The following CSNK1G1 variants were observed in gnomAD, a reference collection of about 807,000 sequenced individuals.
CSNK1G1 encodes the protein casein kinase 1 gamma 1.
Under a neutral mutation model 59.6 loss-of-function variants are expected in CSNK1G1, and 22 were observed. The ratio of observed to expected loss-of-function variants is 0.37; its 90% CI spans 0.26 to 0.53. The LOEUF (loss-of-function observed/expected upper bound fraction) is 0.53. CSNK1G1 is among the 20% of genes least tolerant of loss of function. The pLI is 0.89. For synonymous variants in CSNK1G1, 179 were observed against 177.1 expected, an observed-to-expected ratio of 1.01 and a Z score of -0.08; for missense variants, 384 against 519.5, an observed-to-expected ratio of 0.74 and a Z score of 2.54.
At chr15:64,299,355 G>A (rs1234291069) in intron 2 of CSNK1G1, among the ~76,000 whole-genome samples, 3 of 152,100 alleles carry the variant, frequency 2.0e-5, no homozygotes, top group Non-Finnish European at 4.4e-5. Context: ...TTGGGAGGCC[G>A]AGGCGGGCGG....
chr15:64,204,754 C>A (rs2082155080), intron 8 of CSNK1G1, 111 bp downstream of exon 8: 1 of 1,131,148 alleles, frequency 8.8e-7, no homozygotes, highest in African/African-American at 1.6e-5. Context: ...GTCTGTATCA[C>A]AAAAGGAAAT....
rs1476193301 is a variant in CSNK1G1 at position 64,341,287 on chromosome 15, G to A, written c.-225+14701C>T. 1.2e-3 allele frequency among the ~76,000 whole-genome samples: 3 copies of A among 2,596 alleles called. 1 individual carries two copies. Among genetic ancestry groups the A allele is most frequent in the African/African-American group, 1.5e-3 (3 of 2,030 alleles). The allele number at this position is 2,596 out of a possible 152,430, so 1.7% of individuals were successfully genotyped here. ...CCCAAAGTGCTGGGATTACAGGCGTGAGCCACCGCGCCCGGCCAATTTTTA... is the reference window on the plus strand; with the variant it reads ...CCCAAAGTGCTGGGATTACAGGCGTAAGCCACCGCGCCCGGCCAATTTTTA... On this transcript the variant is annotated intron_variant, in intron 1 of 11. Coordinates refer to ENST00000303052, the MANE Select transcript of CSNK1G1 (RefSeq NM_022048.5).
intron 4 of CSNK1G1, among the ~76,000 whole-genome samples, chr15:64,218,935 A>G (rs2140272592): frequency 6.8e-6 from 1 of 146,788 alleles, no homozygotes; most frequent in East Asian, 2.0e-4. Flanking sequence ...ACTCACTGCA[A>G]CCTCCGCCTC....
chr15:64,221,555 T>A (rs570485161), intron 4 of CSNK1G1, among the ~76,000 whole-genome samples: 2 of 151,816 alleles, frequency 1.3e-5, no homozygotes, highest in East Asian at 3.9e-4. Context: ...GACCACTGAG[T>A]GGTTTTGAAG....
chr15:64,228,369 C>T (rs1243766209), intron 4 of CSNK1G1, among the ~76,000 whole-genome samples: 1 of 152,236 alleles, frequency 6.6e-6, no homozygotes, highest in Non-Finnish European at 1.5e-5. Flanking sequence ...TATTCACACC[C>T]GGGCACGGTG....
At chr15:64,335,616 AT>A (rs951925391) in intron 1 of CSNK1G1, among the ~76,000 whole-genome samples, 2 of 152,182 alleles carry the variant, frequency 1.3e-5, no homozygotes, top group African/African-American at 4.8e-5. Flanking sequence ...GTGATTGATG[AT>A]TTGAATTTTA....
chr15:64,241,604 T>A (rs2082694533), intron 4 of CSNK1G1, among the ~76,000 whole-genome samples: 1 of 152,162 alleles, frequency 6.6e-6, no homozygotes, highest in African/African-American at 2.4e-5. Flanking sequence ...ATAACAAATA[T>A]CTTTTCTGAC....
At chr15:64,187,076 C>T (rs1267905938) in intron 10 of CSNK1G1, among the ~76,000 whole-genome samples, 1 of 152,134 alleles carries the variant, frequency 6.6e-6, no homozygotes, top group East Asian at 1.9e-4. Context: ...CCACCTTGGG[C>T]TCCCAAAGTG....
chr15:64,238,408 T>C lies in CSNK1G1; in HGVS notation c.292+13104A>G, dbSNP rs188506803. Among the ~76,000 whole-genome samples the C allele has an allele frequency of 4.9e-4, 72 of 146,698 alleles. No homozygotes were observed. In the East Asian group the frequency reaches 0.014, roughly 28 times the overall value. ...CTTGGGAGGCTGAAGTGAGAGGATC[T>C]CTTGAGCCCAGGAGTTTGAGGCTGC... On this transcript the variant is annotated intron_variant, in intron 4 of 11. Transcript: ENST00000303052.
chr15:64,291,428 A>G (rs1330325461), intron 2 of CSNK1G1, among the ~76,000 whole-genome samples: 1 of 152,114 alleles, frequency 6.6e-6, no homozygotes, highest in Non-Finnish European at 1.5e-5. Context: ...CTTTACTAAA[A>G]ATACAAAAAA....
chr15:64,239,704 T>C (rs940245077), intron 4 of CSNK1G1, among the ~76,000 whole-genome samples: 6 of 152,052 alleles, frequency 3.9e-5, no homozygotes, highest in African/African-American at 1.2e-4. Context: ...TAAGGAAACT[T>C]AATGAGATAC....
intron 10 of CSNK1G1, among the ~76,000 whole-genome samples, chr15:64,193,221 G>A (rs547703036): frequency 6.6e-6 from 1 of 152,186 alleles, no homozygotes; most frequent in South Asian, 2.1e-4. Context: ...GCCAGCTGTG[G>A]TGGCTCACGC....
At chr15:64,336,849 C>A (rs1186070273) in intron 1 of CSNK1G1, among the ~76,000 whole-genome samples, 3 of 152,130 alleles carry the variant, frequency 2.0e-5, no homozygotes, top group Non-Finnish European at 2.9e-5. Flanking sequence ...TTCACATAAA[C>A]ATATTTTATA....
chr15:64,238,438 A>G (rs2082644656), intron 4 of CSNK1G1, among the ~76,000 whole-genome samples: 1 of 144,932 alleles, frequency 6.9e-6, no homozygotes, highest in East Asian at 2.0e-4. Flanking sequence ...GGCTGCAGTA[A>G]GCTATGATCA....
chr15:64,304,104 G>C (rs1308711044), intron 1 of CSNK1G1, among the ~76,000 whole-genome samples: 1 of 151,874 alleles, frequency 6.6e-6, no homozygotes, highest in Non-Finnish European at 1.5e-5. Context: ...TATGAAAGAT[G>C]AGGCCAGGAG....
chr15:64,207,471 T>C (rs1188156841), intron 7 of CSNK1G1, 38 bp downstream of exon 7: 4 of 1,461,766 alleles, frequency 2.7e-6, no homozygotes, highest in Admixed American at 3.4e-5. Context: ...CAACTGAGCA[T>C]TGAAACAAAG....
At chr15:64,262,419 T>G (rs1892743868) in intron 2 of CSNK1G1, among the ~76,000 whole-genome samples, 1 of 152,230 alleles carries the variant, frequency 6.6e-6, no homozygotes, top group Non-Finnish European at 1.5e-5. Flanking sequence ...CATTTTCTAT[T>G]TTTAAAAAAT....
At chr15:64,173,151 A>G (rs1354972174) in intron 11 of CSNK1G1, among the ~76,000 whole-genome samples, 1 of 152,258 alleles carries the variant, frequency 6.6e-6, no homozygotes, top group African/African-American at 2.4e-5. Flanking sequence ...GTGTAAAGCC[A>G]GCAATATTCA....
chr15:64,269,468 T>C (rs1596191242), intron 2 of CSNK1G1, among the ~76,000 whole-genome samples: 1 of 151,226 alleles, frequency 6.6e-6, no homozygotes, highest in Non-Finnish European at 1.5e-5. Flanking sequence ...TGCACAGAGG[T>C]GTTTGTAGCA....
Sources: allele counts gnomAD v4.1 joint callset (sites outside exome capture counted in the v4.1 genomes callset), GRCh38; gene constraint gnomAD v4.1.1; transcripts MANE v1.5; gene names NCBI Gene and HGNC (gene_info 2026-07-23, HGNC 2026-07-21).